Variants in LYPD5 observed in about 807,000 individuals in gnomAD.
LYPD5 encodes the protein ly6/PLAUR domain-containing protein 5.
Under a neutral mutation model 19.1 loss-of-function variants are expected in LYPD5, and 21 were observed. The ratio of observed to expected loss-of-function variants is 1.10; its 90% CI spans 0.78 to 1.58. The LOEUF is 1.58. Among genes scored for constraint, LYPD5 ranks in the 40% most tolerant of loss-of-function variants. The pLI, the probability that LYPD5 is intolerant of heterozygous loss-of-function variation, is 0.00. For missense variants in LYPD5, 287 were observed against 329.8 expected, an observed-to-expected ratio of 0.87 and a Z score of 1.00; for synonymous variants, 128 against 142.7, an observed-to-expected ratio of 0.90 and a Z score of 0.74.
intron 1 of LYPD5, among the ~76,000 whole-genome samples, chr19:43,811,282 G>GA (rs142838413): frequency 0.19 from 28,982 of 149,478 alleles, 2,794 homozygotes; most frequent in Non-Finnish European, 0.21. Context: ...GAGATTGAGG[G>GA]AAAAAAAAAT....
intron 1 of LYPD5, among the ~76,000 whole-genome samples, chr19:43,808,111 G>A (rs1243926896): frequency 6.6e-6 from 1 of 152,184 alleles, no homozygotes; most frequent in African/African-American, 2.4e-5. Context: ...TCTTTTGGAA[G>A]TTAAATGCTC....
chr19:43,809,522 C>A (rs144775204), intron 1 of LYPD5, among the ~76,000 whole-genome samples: 1 of 152,124 alleles, frequency 6.6e-6, no homozygotes, highest in Non-Finnish European at 1.5e-5. Flanking sequence ...GGATTACAGG[C>A]GACTGCCACC....
rs532832535 is a variant in LYPD5, at chr19:43,797,447, C to A, written c.*144G>T. 286 of 721,020 alleles carry A rather than the reference C, an allele frequency of 4.0e-4. 1 individual carries two copies. The East Asian group carries it at 6.7e-3, about 17-fold the overall frequency. The allele number at this position is 721,020 out of a possible 1,614,324, so 44.7% of individuals were successfully genotyped here. ...CAGTACTGTTGGCCAGGTTGTGGGG[C>A]ACAAGGGCGGGAGAGATGGAAGGCC... On this transcript the variant is annotated 3_prime_UTR_variant, in exon 5 of 5. Transcript: ENST00000377950.
In LYPD5 at chr19:43,796,070, G is replaced by A. The variant is rs1307941069; in HGVS notation, c.*1521C>T. The A allele has an allele frequency of 6.6e-6, 1 of 152,218 alleles. No homozygotes were observed. Among genetic ancestry groups the A allele is most frequent in the Non-Finnish European group, 1.5e-5 (1 of 68,072 alleles). 9.4% of individuals were successfully genotyped at this position (152,218 alleles called of 1,614,324 possible). A position where few individuals can be genotyped will look rare whatever the true frequency, so the allele number is the denominator to read the frequency against. On this transcript the variant is annotated 3_prime_UTR_variant, in exon 5 of 5. Transcript: ENST00000377950. ...CTGGCTGTGTTCTCATGTGGTGGAAGGGGCAAGGCAGCTCTCCAGGGCCTC... is the reference window on the plus strand; with the variant it reads ...CTGGCTGTGTTCTCATGTGGTGGAAAGGGCAAGGCAGCTCTCCAGGGCCTC...
rs1459097099 is a variant in LYPD5, at chr19:43,797,846, C to T, written c.518-17G>A. 2 of 1,584,974 alleles carry T rather than the reference C, an allele frequency of 1.3e-6. No individual in the cohort carries two copies. Among genetic ancestry groups the T allele is most frequent in the Non-Finnish European group, 1.7e-6 (2 of 1,154,902 alleles). On this transcript the variant is annotated splice_polypyrimidine_tract_variant and intron_variant, in intron 4 of 4. Coordinates refer to ENST00000377950, the MANE Select transcript of LYPD5 (RefSeq NM_001031749.3). The stretch of plus-strand genomic sequence containing the variant: ...AGAAATTGCCTGGAGGTGGGCAAAG[C>T]AGTGAGGAACGGTCAGAACTGAGGG...
intron 1 of LYPD5, among the ~76,000 whole-genome samples, chr19:43,819,994 G>C (rs1434801193): frequency 8.0e-6 from 1 of 124,726 alleles, no homozygotes; most frequent in Non-Finnish European, 1.9e-5. Flanking sequence ...TGTGTAGCTA[G>C]AGAAGGAAAA....
At chr19:43,805,006 A>T (rs956835098), upstream of LYPD5, among the ~76,000 whole-genome samples, 1 of 152,070 alleles carries the variant, frequency 6.6e-6, no homozygotes, top group South Asian at 2.1e-4. Context: ...AGCTCCCTGT[A>T]CCTTTTGGGA....
At chr19:43,802,514 G>A (rs977691217), upstream of LYPD5, 17 of 721,216 alleles carry the variant, frequency 2.4e-5, no homozygotes, top group African/African-American at 3.5e-5. Flanking sequence ...CTATGTGGGC[G>A]GGTCTCTTCC....
chr19:43,798,773 A>T lies in LYPD5; in HGVS notation c.370+39T>A, dbSNP rs751825099. 4 of 1,581,852 alleles carry T rather than the reference A, an allele frequency of 2.5e-6. No individual in the cohort carries two copies. The South Asian group carries it at 3.4e-5, about 14-fold the overall frequency. On this transcript the variant is annotated intron_variant, in intron 3 of 4. Transcript: ENST00000377950. The stretch of plus-strand genomic sequence containing the variant: ...CTTCCCCGAGGCTGCCAGGCCTCTC[A>T]TCGTCCCTCCCGGAGCCCAGCCCCG...
chr19:43,817,880 G>GT (rs1363714274), intron 1 of LYPD5, among the ~76,000 whole-genome samples: 2 of 151,888 alleles, frequency 1.3e-5, no homozygotes, highest in African/African-American at 4.8e-5. Flanking sequence ...CCACACGCAA[G>GT]TAATTTTTTT....
chr19:43,815,962 A>G (rs1183066606), intron 1 of LYPD5, among the ~76,000 whole-genome samples: 1 of 151,954 alleles, frequency 6.6e-6, no homozygotes, highest in East Asian at 1.9e-4. Flanking sequence ...TCGAACTCCT[A>G]ACCTCAAGCG....
At chr19:43,818,445 C>T (rs1294073315) in intron 1 of LYPD5, among the ~76,000 whole-genome samples, 2 of 152,168 alleles carry the variant, frequency 1.3e-5, no homozygotes, top group Admixed American at 6.5e-5. Flanking sequence ...GTTTTAAGAC[C>T]ACCTAGCTGA....
At chr19:43,807,170 T>C (rs1185752027), upstream of LYPD5, among the ~76,000 whole-genome samples, 1 of 152,252 alleles carries the variant, frequency 6.6e-6, no homozygotes, top group Admixed American at 6.5e-5. Context: ...TACAAATATC[T>C]GTTTGGGACC....
At chr19:43,803,876 T>C (rs1463112176), upstream of LYPD5, among the ~76,000 whole-genome samples, 1 of 152,034 alleles carries the variant, frequency 6.6e-6, no homozygotes, top group African/African-American at 2.4e-5. Context: ...CTCACTCTGT[T>C]GCCCAGGCTG....
chr19:43,819,283 CTTTTTTTT>C (rs560659624), intron 1 of LYPD5, among the ~76,000 whole-genome samples: 2 of 110,528 alleles, frequency 1.8e-5, no homozygotes, highest in African/African-American at 6.8e-5. Context: ...TCTTCTTCTT[CTTTTTTTT>C]TTTTTTTTTT....
rs1178177341 is a variant in LYPD5 at position 43,798,884 on chromosome 19, C to G, written c.298G>C (p.Val100Leu). ...CATTTGTCAGTTGTGCAGCCGCGCA[C>G]CACCGAGTAGTCTGGCGGCAGCGCG... The part of the protein sequence containing the change: ...ADALPPDYSV[V>L]RGCTTDKCNA... Residue 100 changes from valine (V) to leucine (L), a missense_variant, in exon 3 of 5, where the codon GTG becomes CTG. Val to Leu is a conservative substitution (Grantham distance 32). Transcript: ENST00000377950. The G allele has an allele frequency of 1.2e-6, 2 of 1,606,722 alleles. No homozygotes were observed. The highest frequency in any genetic ancestry group is 4.5e-5 in the East Asian group (2 of 44,584).
chr19:43,817,439 C>T (rs1478296585), intron 1 of LYPD5, among the ~76,000 whole-genome samples: 2 of 152,172 alleles, frequency 1.3e-5, no homozygotes, highest in Non-Finnish European at 2.9e-5. Flanking sequence ...GAGAAATTGA[C>T]TCCACCTTTG....
At chr19:43,804,185 C>G (rs1373795314), upstream of LYPD5, among the ~76,000 whole-genome samples, 1 of 152,118 alleles carries the variant, frequency 6.6e-6, no homozygotes, top group Admixed American at 6.6e-5. Context: ...GGTCTCTTGC[C>G]AGCGTTACAA....
chr19:43,820,571 C>G (rs908391723), exon 1 of LYPD5: 1 of 152,318 alleles, frequency 6.6e-6, no homozygotes, highest in African/African-American at 2.4e-5. Flanking sequence ...GAGTCCGCAA[C>G]GCCCTCTGCG....
Sources: allele counts gnomAD v4.1 joint callset (sites outside exome capture counted in the v4.1 genomes callset), GRCh38; gene constraint gnomAD v4.1.1; transcripts MANE v1.5; gene names NCBI Gene and HGNC (gene_info 2026-07-23, HGNC 2026-07-21).